Variants in IMMP2L observed in about 807,000 individuals in gnomAD.
IMMP2L encodes mitochondrial inner membrane protease subunit 2.
IMMP2L carries 18 observed loss-of-function variants against 19.3 expected under a neutral mutation model. The ratio of observed to expected loss-of-function variants is 0.93; its 90% CI spans 0.64 to 1.38. The LOEUF (loss-of-function observed/expected upper bound fraction) is 1.38, where lower values mean the gene tolerates loss of function less well. Ranked by LOEUF, IMMP2L falls within the 40% of genes most tolerant of loss-of-function variation. IMMP2L has a pLI of 0.00. For synonymous variants in IMMP2L, 76 were observed against 73.0 expected, an observed-to-expected ratio of 1.04 and a Z score of -0.21; for missense variants, 233 against 218.2, an observed-to-expected ratio of 1.07 and a Z score of -0.43.
chr7:110,762,502 C>A lies in IMMP2L; in HGVS notation c.409-98781G>T, dbSNP rs575122326. Among the ~76,000 whole-genome samples, 12 of 152,244 alleles carry A rather than the reference C, an allele frequency of 7.9e-5. No individual in the cohort carries two copies. In the South Asian group the frequency reaches 2.3e-3, roughly 29 times the overall value. ...ACATTGCCTGAACATCAACTCCCGT[C>A]TAGGCCTGCCTCGGTGTCATTCTCC... is the stretch of plus-strand genomic sequence containing the variant. On this transcript the variant is annotated intron_variant, in intron 5 of 5. Coordinates refer to ENST00000405709, the MANE Select transcript of IMMP2L (RefSeq NM_032549.4).
chr7:110,737,547 T>C (rs1026322970), intron 5 of IMMP2L, among the ~76,000 whole-genome samples: 1 of 152,140 alleles, frequency 6.6e-6, no homozygotes, highest in Non-Finnish European at 1.5e-5. Context: ...AGCTCAGACA[T>C]GCCTGTCTCT....
At chr7:111,325,142 A>G (rs1202535279) in intron 3 of IMMP2L, among the ~76,000 whole-genome samples, 23 of 151,782 alleles carry the variant, frequency 1.5e-4, no homozygotes, top group Non-Finnish European at 5.9e-5. Flanking sequence ...ATCCACAAAA[A>G]AGAAATATAA....
intron 4 of IMMP2L, among the ~76,000 whole-genome samples, chr7:110,949,384 T>C (rs1371655838): frequency 6.6e-6 from 1 of 152,154 alleles, no homozygotes; most frequent in Non-Finnish European, 1.5e-5. Context: ...AACCAATATA[T>C]AACTAACAAA....
intron 3 of IMMP2L, among the ~76,000 whole-genome samples, chr7:111,306,766 G>A (rs1416259457): frequency 1.3e-5 from 2 of 151,410 alleles, no homozygotes; most frequent in African/African-American, 4.8e-5. Context: ...ATTTGATGAT[G>A]TTTTCTGACT....
intron 5 of IMMP2L, among the ~76,000 whole-genome samples, chr7:110,777,728 C>T (rs1317285894): frequency 6.6e-6 from 1 of 151,798 alleles, no homozygotes; most frequent in South Asian, 2.1e-4. Flanking sequence ...CTTACAGATC[C>T]ACTATATCAA....
chr7:110,974,209 A>G (rs1820456841), intron 3 of IMMP2L, among the ~76,000 whole-genome samples: 1 of 152,092 alleles, frequency 6.6e-6, no homozygotes, highest in Non-Finnish European at 1.5e-5. Context: ...CTCACCACCC[A>G]CCATTCTTCA....
intron 3 of IMMP2L, among the ~76,000 whole-genome samples, chr7:111,165,053 C>T (rs1805675444): frequency 6.6e-6 from 1 of 151,978 alleles, no homozygotes; most frequent in Non-Finnish European, 1.5e-5. Flanking sequence ...ACTCTGTACC[C>T]ATTAAACAGT....
chr7:110,838,383 G>GC (rs757893884), intron 5 of IMMP2L, among the ~76,000 whole-genome samples: 1 of 152,080 alleles, frequency 6.6e-6, no homozygotes, highest in African/African-American at 2.4e-5. Context: ...GGGGTCTACA[G>GC]TTTTATAGGT....
At chr7:111,307,208 A>G (rs891358306) in intron 3 of IMMP2L, among the ~76,000 whole-genome samples, 1 of 151,750 alleles carries the variant, frequency 6.6e-6, no homozygotes, top group East Asian at 1.9e-4. Context: ...CCAGAATTTA[A>G]GATCTTAATT....
intron 3 of IMMP2L, among the ~76,000 whole-genome samples, chr7:111,269,398 T>C (rs577692024): frequency 3.5e-4 from 53 of 152,278 alleles, no homozygotes; most frequent in African/African-American, 1.2e-3. Context: ...CAAGTATATA[T>C]CATCTTGAAA....
chr7:111,044,312 A>G (rs1051220814), intron 3 of IMMP2L, among the ~76,000 whole-genome samples: 10 of 152,130 alleles, frequency 6.6e-5, no homozygotes, highest in Non-Finnish European at 1.5e-4. Context: ...GTAATCCCAG[A>G]GCTTTGGGAG....
At chr7:111,346,618 A>G (rs1827593284) in intron 3 of IMMP2L, among the ~76,000 whole-genome samples, 1 of 152,150 alleles carries the variant, frequency 6.6e-6, no homozygotes. Flanking sequence ...CTCTGGAAGT[A>G]TACATGGACA....
intron 3 of IMMP2L, among the ~76,000 whole-genome samples, chr7:111,483,989 G>C (rs893651478): frequency 1.3e-5 from 2 of 152,118 alleles, no homozygotes; most frequent in Non-Finnish European, 2.9e-5. Flanking sequence ...ATAAAACAAA[G>C]TAACACAAAA....
chr7:110,906,845 A>C (rs1563071575), intron 4 of IMMP2L, among the ~76,000 whole-genome samples: 1 of 152,174 alleles, frequency 6.6e-6, no homozygotes, highest in Non-Finnish European at 1.5e-5. Context: ...GATTATACTA[A>C]TATGATGACT....
intron 5 of IMMP2L, among the ~76,000 whole-genome samples, chr7:110,680,794 A>G (rs1248968944): frequency 9.9e-5 from 15 of 152,178 alleles, no homozygotes; most frequent in East Asian, 1.9e-4. Flanking sequence ...CCAGCCAATC[A>G]GATGCCCACA....
chr7:111,329,814 T>G (rs1267507132), intron 3 of IMMP2L, among the ~76,000 whole-genome samples: 1 of 151,892 alleles, frequency 6.6e-6, no homozygotes, highest in Non-Finnish European at 1.5e-5. Flanking sequence ...AAACAATACT[T>G]TGCTTACAAT....
intron 3 of IMMP2L, among the ~76,000 whole-genome samples, chr7:111,058,086 T>C (rs1056822158): frequency 2.6e-5 from 4 of 152,182 alleles, no homozygotes; most frequent in African/African-American, 9.7e-5. Flanking sequence ...TTTTGTTCAA[T>C]TAAAAATTAT....
At chr7:111,281,208 AAGAAAGAAAAAGAAAG>A (rs1429450195) in intron 3 of IMMP2L, among the ~76,000 whole-genome samples, 8 of 53,840 alleles carry the variant, frequency 1.5e-4, no homozygotes, top group African/African-American at 3.6e-4. Context: ...GAAAGAAAGA[AAGAAAGAAAAAGAAAG>A]AAAGAAAGAA....
intron 5 of IMMP2L, among the ~76,000 whole-genome samples, chr7:110,748,966 T>C (rs1797548471): frequency 6.6e-6 from 1 of 152,190 alleles, no homozygotes; most frequent in Admixed American, 6.5e-5. Context: ...ACAGCCAACC[T>C]ACAGAATGGG....
Sources: gnomAD v4.1 joint callset for allele counts (sites outside exome capture counted in the v4.1 genomes callset) on GRCh38, gnomAD v4.1.1 for gene constraint, MANE v1.5 for transcripts, NCBI Gene and HGNC (gene_info 2026-07-23, HGNC 2026-07-21) for gene names.